CREBRF: variants seen among roughly 807,000 people sequenced by gnomAD.
CREBRF encodes the protein CREB3 regulatory factor.
In CREBRF, 5 loss-of-function variants were observed where a neutral mutation model predicts 66.1. That is an observed-to-expected ratio of 0.08 (90% confidence interval 0.04 to 0.16). The LOEUF (loss-of-function observed/expected upper bound fraction) is 0.16. CREBRF is among the 10% of genes least tolerant of loss of function. The probability of loss-of-function intolerance (pLI) is 1.00; values close to 1 mark genes in which losing one functional copy is unlikely to be tolerated. For missense variants in CREBRF, 531 were observed against 744.9 expected (o/e 0.71, Z 3.34); for synonymous variants, 229 against 264.4 (o/e 0.87, Z 1.30).
At chr5:173,076,817 A>C (rs1374269045) in intron 1 of CREBRF, among the ~76,000 whole-genome samples, 1 of 152,054 alleles carries the variant, frequency 6.6e-6, no homozygotes, top group South Asian at 2.1e-4. Flanking sequence ...GATCTGGAAC[A>C]GTTTAAAGAC....
intron 3 of CREBRF, among the ~76,000 whole-genome samples, chr5:173,089,645 A>T (rs1581679554): frequency 1.3e-5 from 2 of 150,706 alleles, no homozygotes; most frequent in Middle Eastern, 3.4e-3. Flanking sequence ...AACATGGTAA[A>T]GCCCTGTCTC....
chr5:173,077,767 A>G (rs1757809202), intron 1 of CREBRF, among the ~76,000 whole-genome samples: 1 of 152,084 alleles, frequency 6.6e-6, no homozygotes, highest in Non-Finnish European at 1.5e-5. Flanking sequence ...GCCCTTAGTA[A>G]CCTCCATTTT....
Position 173,133,754 on chromosome 5 carries a change from A to G in CREBRF, c.*9A>G, listed in dbSNP as rs191327368. On this transcript the variant is annotated 3_prime_UTR_variant, in exon 9 of 9. Transcript: ENST00000296953. Reference sequence around the variant, plus strand: ...CAACATCAAAGGTGTAATCAGCCTCATTGGACCACTGGTCAGAAATGTCTG... The same window carrying G: ...CAACATCAAAGGTGTAATCAGCCTCGTTGGACCACTGGTCAGAAATGTCTG... 416 of 1,407,842 alleles carry G rather than the reference A, an allele frequency of 3.0e-4. 2 individuals are homozygous for G. The East Asian group carries it at 8.7e-3, about 29-fold the overall frequency. The allele number at this position is 1,407,842 out of a possible 1,614,324, so 87.2% of individuals were successfully genotyped here. A position where few individuals can be genotyped will look rare whatever the true frequency, so the allele number is the denominator to read the frequency against.
intron 8 of CREBRF, among the ~76,000 whole-genome samples, chr5:173,129,002 G>C (rs968728919): frequency 6.6e-6 from 1 of 150,948 alleles, no homozygotes; most frequent in Non-Finnish European, 1.5e-5. Context: ...GGATGGTCTC[G>C]ATCTCCTGAC....
At position 173,091,369 on chromosome 5, in the gene CREBRF, A is replaced by G; in HGVS notation, c.1190A>G (p.Asp397Gly). The G allele has an allele frequency of 6.2e-7, 1 of 1,613,988 alleles. No homozygotes were observed. Among genetic ancestry groups the G allele is most frequent in the Non-Finnish European group, 8.5e-7 (1 of 1,179,918 alleles). The change falls in exon 4 of 9, where the codon GAT (aspartate) becomes GGT (glycine). Residue 397 changes from aspartate (D) to glycine (G), a missense_variant. By Grantham distance (94) the Asp-to-Gly change is moderately conservative. Transcript: ENST00000296953. ...GAAGAGGATTATGAAGATGACAAGGATGATGATATTAGTGATACTTTCTCT... is the reference window on the plus strand; with the variant it reads ...GAAGAGGATTATGAAGATGACAAGGGTGATGATATTAGTGATACTTTCTCT... ...EEEEDYEDDK[D>G]DDISDTFSEP...
chr5:173,110,452 G>T (rs1758845564), intron 5 of CREBRF, 70 bp from the exon 6 acceptor site: 1 of 1,086,806 alleles, frequency 9.2e-7, no homozygotes. Context: ...GGTTAAAAAT[G>T]TGGCCGTGAA....
chr5:173,100,682 G>A (rs1171302435), intron 4 of CREBRF, among the ~76,000 whole-genome samples: 1 of 152,002 alleles, frequency 6.6e-6, no homozygotes, highest in Non-Finnish European at 1.5e-5. Flanking sequence ...CCTCAGCCTC[G>A]AAAAGTGCTG....
chr5:173,128,592 A>G (rs1202220215), intron 8 of CREBRF, among the ~76,000 whole-genome samples: 1 of 151,934 alleles, frequency 6.6e-6, no homozygotes, highest in Non-Finnish European at 1.5e-5. Context: ...ATTTATTAGT[A>G]CTAAATCTGC....
At chr5:173,133,596 T>C in intron 8 of CREBRF, 34 bp from the exon 9 acceptor site, 1 of 1,279,898 alleles carries the variant, frequency 7.8e-7, no homozygotes, top group Non-Finnish European at 1.1e-6. Context: ...CTTCCATTTT[T>C]GTGTCTAGAT....
At chr5:173,133,606 T>C in intron 8 of CREBRF, 24 bp from the exon 9 acceptor site, 1 of 1,393,202 alleles carries the variant, frequency 7.2e-7, no homozygotes, top group East Asian at 2.3e-5. Context: ...TGTGTCTAGA[T>C]GTGCCTTTTA....
intron 7 of CREBRF, among the ~76,000 whole-genome samples, chr5:173,120,381 CT>C (rs1759110535): frequency 6.7e-6 from 1 of 148,284 alleles, no homozygotes; most frequent in Non-Finnish European, 1.5e-5. Flanking sequence ...TTCTTTCTTT[CT>C]TTCTTTTTTT....
intron 4 of CREBRF, among the ~76,000 whole-genome samples, chr5:173,104,951 G>GA (rs1462858782): frequency 3.3e-5 from 5 of 152,074 alleles, no homozygotes; most frequent in Non-Finnish European, 7.4e-5. Flanking sequence ...ATATATGCAG[G>GA]AAAAAATCTA....
intron 8 of CREBRF, among the ~76,000 whole-genome samples, chr5:173,128,571 G>A (rs1759327907): frequency 6.6e-6 from 1 of 151,758 alleles, no homozygotes; most frequent in Non-Finnish European, 1.5e-5. Context: ...ATGTCAGGAT[G>A]TTTGAATAGT....
At chr5:173,060,157 G>A (rs1757223228) in intron 1 of CREBRF, 1 of 150,948 alleles carries the variant, frequency 6.6e-6, no homozygotes, top group Admixed American at 6.6e-5. Context: ...TGAAATCACT[G>A]TTTGCTTTTA....
At chr5:173,118,932 C>G (rs1027939507) in intron 7 of CREBRF, among the ~76,000 whole-genome samples, 2 of 151,818 alleles carry the variant, frequency 1.3e-5, no homozygotes, top group Admixed American at 6.6e-5. Flanking sequence ...GATGGGGTCT[C>G]GCTGTCTTGC....
intron 8 of CREBRF, among the ~76,000 whole-genome samples, chr5:173,128,815 C>T (rs1006229517): frequency 2.0e-5 from 3 of 152,064 alleles, no homozygotes; most frequent in Non-Finnish European, 2.9e-5. Flanking sequence ...GAGTCTCGCT[C>T]TGTACCCCAG....
chr5:173,070,998 G>T (rs544129983), intron 1 of CREBRF, among the ~76,000 whole-genome samples: 5 of 152,206 alleles, frequency 3.3e-5, no homozygotes, highest in African/African-American at 1.2e-4. Context: ...TCTCAAAGAT[G>T]TCACAGTCTG....
At chr5:173,058,304 G>A (rs963636459) in intron 1 of CREBRF, among the ~76,000 whole-genome samples, 11 of 152,100 alleles carry the variant, frequency 7.2e-5, no homozygotes, top group Non-Finnish European at 1.6e-4. Flanking sequence ...CTGTGGCTAC[G>A]TTGGTATTGT....
chr5:173,085,663 C>T, intron 2 of CREBRF: 1 of 659,322 alleles, frequency 1.5e-6, no homozygotes, highest in Admixed American at 2.2e-5. Context: ...GTGACCTGCC[C>T]ACCTGAGCCT....
Sources: gnomAD v4.1 joint callset for allele counts (sites outside exome capture counted in the v4.1 genomes callset) on GRCh38, gnomAD v4.1.1 for gene constraint, MANE v1.5 for transcripts, NCBI Gene and HGNC (gene_info 2026-07-23, HGNC 2026-07-21) for gene names.